FOXN2: variants seen among roughly 807,000 people sequenced by gnomAD.
The protein encoded by FOXN2 is forkhead box N2, also known as forkhead box protein N2.
Under a neutral mutation model 41.2 loss-of-function variants are expected in FOXN2, and 19 were observed. The ratio of observed to expected loss-of-function variants is 0.46; its 90% CI spans 0.32 to 0.68. The LOEUF is 0.68. Ranked by LOEUF, FOXN2 falls within the 30% of genes least tolerant of loss-of-function variation. FOXN2 has a pLI of 0.03. For synonymous variants in FOXN2, 195 were observed against 176.8 expected (o/e 1.10, Z -0.82); for missense variants, 587 against 509.4 (o/e 1.15, Z -1.47).
Position 48,379,138 on chromosome 2 carries a change from C to T in FOXN2, c.*3695C>T, listed in dbSNP as rs1021805066. 6.6e-6 allele frequency: 1 copy of T among 152,630 alleles called. No homozygotes were observed. The highest frequency in any genetic ancestry group is 2.4e-5 in the African/African-American group (1 of 41,446). The allele number at this position is 152,630 out of a possible 1,614,324, so 9.5% of individuals were successfully genotyped here. A position where few individuals can be genotyped will look rare whatever the true frequency, so the allele number is the denominator to read the frequency against. ...GACCAGTCACAAGTGAACCACTTCT[C>T]AGTTGCCAATCTTTGCTCATATTAA... On this transcript the variant is annotated 3_prime_UTR_variant, in exon 7 of 7. Coordinates refer to ENST00000340553, the MANE Select transcript of FOXN2 (RefSeq NM_002158.4).
At chr2:48,368,246 T>C (rs1363318007) in intron 5 of FOXN2, among the ~76,000 whole-genome samples, 1 of 147,044 alleles carries the variant, frequency 6.8e-6, no homozygotes, top group Non-Finnish European at 1.5e-5. Flanking sequence ...TGTTAGATAA[T>C]ACAGCTAATA....
At chr2:48,340,517 T>TG (rs1162425426) in intron 2 of FOXN2, among the ~76,000 whole-genome samples, 1 of 151,722 alleles carries the variant, frequency 6.6e-6, no homozygotes, top group Admixed American at 6.6e-5. Context: ...TGCACAACTG[T>TG]GAAAAAAAAA....
chr2:48,370,550 C>G (rs1485754682), intron 5 of FOXN2, among the ~76,000 whole-genome samples: 1 of 152,284 alleles, frequency 6.6e-6, no homozygotes, highest in East Asian at 1.9e-4. Context: ...CACTCTATTT[C>G]CCTTTCCTCT....
rs959166662 is a variant in FOXN2, at chr2:48,323,629, T to C, written c.-156-4932T>C. Among the ~76,000 whole-genome samples the C allele has an allele frequency of 8.5e-5, 13 of 152,160 alleles. 1 individual carries two copies. Among genetic ancestry groups the C allele is most frequent in the Admixed American group, 8.5e-4 (13 of 15,274 alleles). On this transcript the variant is annotated intron_variant, in intron 1 of 6. Coordinates refer to ENST00000340553, the MANE Select transcript of FOXN2 (RefSeq NM_002158.4). Reference sequence around the variant, plus strand: ...GTGCCTTGTAGGTTCTGGATATTAGTCGTTTGTCACATGTATAGTTTGCAA... The same window carrying C: ...GTGCCTTGTAGGTTCTGGATATTAGCCGTTTGTCACATGTATAGTTTGCAA...
At position 48,378,031 on chromosome 2, in the gene FOXN2, T is replaced by A. The variant is rs952970752; in HGVS notation, c.*2588T>A. 1 of 152,248 alleles carries A rather than the reference T, an allele frequency of 6.6e-6. No homozygotes were observed. The highest frequency in any genetic ancestry group is 1.5e-5 in the Non-Finnish European group (1 of 67,892). 9.4% of individuals were successfully genotyped at this position (152,248 alleles called of 1,614,324 possible). On this transcript the variant is annotated 3_prime_UTR_variant, in exon 7 of 7. Transcript: ENST00000340553. The stretch of plus-strand genomic sequence containing the variant: ...CCAACATATCCTAAAAACTGTGATA[T>A]AAGCTAACATATAATTTGCCTTACG...
At chr2:48,333,450 T>A (rs1290910855) in intron 2 of FOXN2, among the ~76,000 whole-genome samples, 1 of 152,156 alleles carries the variant, frequency 6.6e-6, no homozygotes, top group Non-Finnish European at 1.5e-5. Context: ...TCATAATACA[T>A]TTCCTTATCA....
At chr2:48,344,518 T>C (rs1670971731) in intron 2 of FOXN2, among the ~76,000 whole-genome samples, 1 of 152,218 alleles carries the variant, frequency 6.6e-6, no homozygotes. Flanking sequence ...TCTGATTAAT[T>C]TTCCTCATCA....
Position 48,346,496 on chromosome 2 carries a change from A to G in FOXN2, c.282A>G (p.Pro94=). ...PLYDIEGDDV[P]SFGPACYQNP... ...ATGACATAGAGGGAGATGATGTGCC[A>G]TCCTTTGGACCAGCTTGCTACCAGA... is the stretch of plus-strand genomic sequence containing the variant. Residue 94 remains proline, a synonymous_variant, in exon 3 of 7, where the codon CCA becomes CCG. Coordinates refer to ENST00000340553, the MANE Select transcript of FOXN2 (RefSeq NM_002158.4). The G allele has an allele frequency of 1.2e-6, 2 of 1,614,174 alleles. No individual in the cohort carries two copies. Among genetic ancestry groups the G allele is most frequent in the South Asian group, 1.1e-5 (1 of 91,088 alleles).
chr2:48,314,710 C>G lies in FOXN2; in HGVS notation c.-261C>G, dbSNP rs968551527. 3.1e-4 allele frequency: 48 copies of G among 152,966 alleles called. No individual in the cohort carries two copies. The highest frequency in any genetic ancestry group is 1.1e-3 in the African/African-American group (45 of 41,580). 9.5% of individuals were successfully genotyped at this position (152,966 alleles called of 1,614,324 possible). A position where few individuals can be genotyped will look rare whatever the true frequency, so the allele number is the denominator to read the frequency against. On this transcript the variant is annotated 5_prime_UTR_variant, in exon 1 of 7. Coordinates refer to ENST00000340553, the MANE Select transcript of FOXN2 (RefSeq NM_002158.4). Reference sequence around the variant, plus strand: ...GCAGCTGCTGCTGCCTGCTGGTTGCCGCGTCTTCCCGGAGGCGACTGCTGG... The same window carrying G: ...GCAGCTGCTGCTGCCTGCTGGTTGCGGCGTCTTCCCGGAGGCGACTGCTGG...
At chr2:48,341,226 A>C (rs62137001) in intron 2 of FOXN2, among the ~76,000 whole-genome samples, 1 of 151,998 alleles carries the variant, frequency 6.6e-6, no homozygotes, top group Non-Finnish European at 1.5e-5. Context: ...CTGACCATGC[A>C]TATTATTAAT....
upstream of FOXN2, chr2:48,314,525 A>G (rs1414870705): frequency 6.6e-6 from 1 of 152,040 alleles, no homozygotes; most frequent in Admixed American, 6.5e-5. Flanking sequence ...GGGAACCGGG[A>G]GGGGCCGGCC....
chr2:48,314,786 C>A lies in FOXN2; in HGVS notation c.-185C>A, dbSNP rs777850237. Reference sequence around the variant, plus strand: ...TCTGCCATATTGTGTCTTCCCCGGCCGGTCCCTCGCCTCCCGGCCGAGCTG... The same window carrying A: ...TCTGCCATATTGTGTCTTCCCCGGCAGGTCCCTCGCCTCCCGGCCGAGCTG... On this transcript the variant is annotated 5_prime_UTR_variant, in exon 1 of 7. Coordinates refer to ENST00000340553, the MANE Select transcript of FOXN2 (RefSeq NM_002158.4). The A allele has an allele frequency of 4.6e-5, 7 of 152,164 alleles. No homozygotes were observed. Among genetic ancestry groups the A allele is most frequent in the African/African-American group, 1.7e-4 (7 of 41,428 alleles). The allele number at this position is 152,164 out of a possible 1,614,324, so 9.4% of individuals were successfully genotyped here.
chr2:48,372,907 AT>A (rs1245219000), intron 5 of FOXN2, among the ~76,000 whole-genome samples: 1 of 150,366 alleles, frequency 6.7e-6, no homozygotes, highest in Non-Finnish European at 1.5e-5. Flanking sequence ...TAATGATAGT[AT>A]TCAAGTAAAA....
intron 6 of FOXN2, among the ~76,000 whole-genome samples, chr2:48,374,174 TATAC>T (rs1403101990): frequency 1.3e-5 from 2 of 151,904 alleles, no homozygotes; most frequent in Non-Finnish European, 2.9e-5. Context: ...GTATCAAGTA[TATAC>T]ATAAAAAGGA....
intron 2 of FOXN2, among the ~76,000 whole-genome samples, chr2:48,342,306 T>G (rs938531358): frequency 6.6e-6 from 1 of 152,148 alleles, no homozygotes; most frequent in Admixed American, 6.5e-5. Context: ...TTCTCTGTTA[T>G]AGAAAATGTA....
At chr2:48,365,764 C>T (rs1414478033) in intron 5 of FOXN2, among the ~76,000 whole-genome samples, 1 of 152,160 alleles carries the variant, frequency 6.6e-6, no homozygotes, top group Non-Finnish European at 1.5e-5. Flanking sequence ...TAGGTTAAAA[C>T]AAATGCACAT....
intron 2 of FOXN2, among the ~76,000 whole-genome samples, chr2:48,344,068 T>C (rs908306159): frequency 6.6e-6 from 1 of 152,182 alleles, no homozygotes; most frequent in African/African-American, 2.4e-5. Flanking sequence ...TGTTTGTTTT[T>C]TAAGGAAGCA....
At chr2:48,370,390 A>G (rs1672811126) in intron 5 of FOXN2, among the ~76,000 whole-genome samples, 1 of 152,128 alleles carries the variant, frequency 6.6e-6, no homozygotes, top group Non-Finnish European at 1.5e-5. Flanking sequence ...ATTGATTCAA[A>G]TCCTTTGTAC....
chr2:48,338,101 C>T (rs996484078), intron 2 of FOXN2, among the ~76,000 whole-genome samples: 1 of 152,100 alleles, frequency 6.6e-6, no homozygotes, highest in Non-Finnish European at 1.5e-5. Flanking sequence ...AGAATTGATA[C>T]CCTATACACT....
Sources: allele counts gnomAD v4.1 joint callset (sites outside exome capture counted in the v4.1 genomes callset), GRCh38; gene constraint gnomAD v4.1.1; transcripts MANE v1.5; gene names NCBI Gene and HGNC (gene_info 2026-07-23, HGNC 2026-07-21).